Variants in GPC3 observed in about 807,000 individuals in gnomAD.
GPC3 encodes the protein glypican-3.
In GPC3, 3 loss-of-function variants were observed where a neutral mutation model predicts 34.4. The ratio of observed to expected loss-of-function variants is 0.09; its 90% confidence interval spans 0.04 to 0.23. The LOEUF (loss-of-function observed/expected upper bound fraction) is 0.23. Among genes scored for constraint, GPC3 ranks in the 10% least tolerant of loss-of-function variants. The pLI, the probability that GPC3 is intolerant of heterozygous loss-of-function variation, is 1.00. For synonymous variants in GPC3, 177 were observed against 174.0 expected (o/e 1.02, Z -0.13); for missense variants, 351 against 445.6 (o/e 0.79, Z 1.91).
chrX:133,793,686 C>G (rs2075560951), intron 2 of GPC3, among the ~76,000 whole-genome samples: 1 of 111,870 alleles, frequency 8.9e-6, no homozygotes, highest in Non-Finnish European at 1.9e-5. Context: ...CCAACAATCT[C>G]TAGCTTCAGA....
chrX:133,621,531 C>T (rs765150730), intron 6 of GPC3, among the ~76,000 whole-genome samples: 168 of 112,226 alleles, frequency 1.5e-3, no homozygotes, highest in African/African-American at 5.4e-3. Context: ...GAGGGTCCCA[C>T]GCCCACGGAG....
At chrX:133,920,751 A>G (rs973986582) in intron 2 of GPC3, among the ~76,000 whole-genome samples, 4 of 112,371 alleles carry the variant, frequency 3.6e-5, no homozygotes, top group African/African-American at 1.3e-4. Flanking sequence ...TGATGGTAAG[A>G]GATTCGGCTA....
chrX:133,613,893 A>G (rs2070134663), intron 6 of GPC3, among the ~76,000 whole-genome samples: 1 of 112,540 alleles, frequency 8.9e-6, no homozygotes, highest in Non-Finnish European at 1.9e-5. Context: ...GTCCCATGAC[A>G]TACACAATAC....
chrX:133,868,509 C>T (rs1190891906), intron 2 of GPC3, among the ~76,000 whole-genome samples: 1 of 112,346 alleles, frequency 8.9e-6, no homozygotes, highest in Non-Finnish European at 1.9e-5. Flanking sequence ...GATATCTCCC[C>T]TCAAGGAGCT....
At chrX:133,868,972 A>G (rs1375067976) in intron 2 of GPC3, among the ~76,000 whole-genome samples, 1 of 112,321 alleles carries the variant, frequency 8.9e-6, no homozygotes, top group East Asian at 2.8e-4. Flanking sequence ...GTTTAATAAC[A>G]CACAGAGAGA....
intron 2 of GPC3, among the ~76,000 whole-genome samples, chrX:133,845,646 T>G (rs770831773): frequency 8.9e-6 from 1 of 111,863 alleles, no homozygotes; most frequent in East Asian, 2.8e-4. Flanking sequence ...TATTTGTTAA[T>G]GCTCATCAAA....
intron 1 of GPC3, among the ~76,000 whole-genome samples, chrX:133,971,667 A>G (rs183193916): frequency 3.6e-5 from 4 of 111,263 alleles, no homozygotes; most frequent in African/African-American, 1.3e-4. Flanking sequence ...ATCAGTTGAG[A>G]GAGGGTGTGA....
At chrX:133,775,925 A>G (rs192006945) in intron 2 of GPC3, among the ~76,000 whole-genome samples, 130 of 111,992 alleles carry the variant, frequency 1.2e-3, no homozygotes, top group South Asian at 9.5e-3. Context: ...TATTTTAAAA[A>G]GTTATCAGTG....
At chrX:133,708,686 T>C (rs1355434535) in intron 3 of GPC3, among the ~76,000 whole-genome samples, 2 of 112,365 alleles carry the variant, frequency 1.8e-5, no homozygotes, top group Non-Finnish European at 1.9e-5. Flanking sequence ...AATTTGTACA[T>C]GGCTAGATAT....
At chrX:133,805,202 G>C (rs1210358802) in intron 2 of GPC3, among the ~76,000 whole-genome samples, 2 of 111,983 alleles carry the variant, frequency 1.8e-5, no homozygotes, top group Admixed American at 1.9e-4. Flanking sequence ...TATAAAGTGG[G>C]CAAAAATCAA....
chrX:133,577,972 CTG>C (rs1457070356), intron 7 of GPC3, among the ~76,000 whole-genome samples: 1 of 112,024 alleles, frequency 8.9e-6, no homozygotes, highest in Non-Finnish European at 1.9e-5. Flanking sequence ...CTATACCCCT[CTG>C]TGTATCTTCT....
intron 6 of GPC3, among the ~76,000 whole-genome samples, chrX:133,655,553 G>A (rs186256353): frequency 9.1e-6 from 1 of 109,376 alleles, no homozygotes; most frequent in Non-Finnish European, 1.9e-5. Context: ...GGAAATAAAT[G>A]GCAATTACTA....
At chrX:133,872,000 G>T (rs2075995655) in intron 2 of GPC3, among the ~76,000 whole-genome samples, 1 of 111,219 alleles carries the variant, frequency 9.0e-6, no homozygotes, top group African/African-American at 3.3e-5. Flanking sequence ...CTGGAGTAGA[G>T]TGGCACAATC....
chrX:133,704,937 TCTAA>T (rs2071201076), intron 3 of GPC3, among the ~76,000 whole-genome samples: 1 of 111,433 alleles, frequency 9.0e-6, no homozygotes, highest in Non-Finnish European at 1.9e-5. Context: ...TTGGTTAAAA[TCTAA>T]CTGTCATTCT....
At position 133,975,547 on chromosome X, in the gene GPC3, C is replaced by T. The variant is rs763052934; in HGVS notation, c.175+9728G>A. 4.5e-5 allele frequency among the ~76,000 whole-genome samples: 5 copies of T among 111,227 alleles called. 1 individual carries two copies. In the South Asian group the frequency reaches 1.9e-3, roughly 43 times the overall value. On this transcript the variant is annotated intron_variant, in intron 1 of 7. Coordinates refer to ENST00000370818, the MANE Select transcript of GPC3 (RefSeq NM_004484.4). The stretch of plus-strand genomic sequence containing the variant: ...CCTCTTAAGACAACTAGGCAAATTC[C>T]TCCATAGCTCAAGAGCCCTCAGGCC...
chrX:133,658,972 G>A (rs760844838), intron 6 of GPC3, among the ~76,000 whole-genome samples: 35 of 111,661 alleles, frequency 3.1e-4, no homozygotes, highest in Admixed American at 2.6e-3. Context: ...AATTAGACTC[G>A]CAGAAAGTAC....
In GPC3 at chrX:133,749,598, A is replaced by G. The variant is rs190636013; in HGVS notation, c.1032+3884T>C. ...ACAATCTTCATAATCTGGGTAGATGACAGCCACAAAAACAACTAGGCAAAG... is the reference window on the plus strand; with the variant it reads ...ACAATCTTCATAATCTGGGTAGATGGCAGCCACAAAAACAACTAGGCAAAG... On this transcript the variant is annotated intron_variant, in intron 3 of 7. Coordinates refer to ENST00000370818, the MANE Select transcript of GPC3 (RefSeq NM_004484.4). 2.6e-3 allele frequency among the ~76,000 whole-genome samples: 288 copies of G among 111,859 alleles called. 4 individuals carry two copies. The highest frequency in any genetic ancestry group is 8.9e-3 in the African/African-American group (275 of 30,826).
chrX:133,668,244 C>T (rs145291133), intron 5 of GPC3, among the ~76,000 whole-genome samples: 4,455 of 111,413 alleles, frequency 0.04, 221 homozygotes, highest in African/African-American at 0.14. Flanking sequence ...TCCGACCTGC[C>T]TATTTCAAAA....
intron 7 of GPC3, among the ~76,000 whole-genome samples, chrX:133,555,615 G>T (rs750920362): frequency 9.0e-6 from 1 of 111,231 alleles, no homozygotes; most frequent in Non-Finnish European, 1.9e-5. Context: ...ATCCCTTGAG[G>T]CCAGAAGTTC....
Sources: gnomAD v4.1 joint callset for allele counts (sites outside exome capture counted in the v4.1 genomes callset) on GRCh38, gnomAD v4.1.1 for gene constraint, MANE v1.5 for transcripts, NCBI Gene and HGNC (gene_info 2026-07-23, HGNC 2026-07-21) for gene names.